The following NTM variants were observed in gnomAD, a reference collection of about 807,000 sequenced individuals.
NTM encodes neurotrimin, also known as IgLON family member 2.
In NTM, 13 loss-of-function variants were observed where a neutral mutation model predicts 42.1. The ratio of observed to expected loss-of-function variants is 0.31; its 90% CI spans 0.20 to 0.49. NTM has a LOEUF of 0.49. Ranked by LOEUF, NTM falls within the 20% of genes least tolerant of loss-of-function variation. The pLI is 0.99. For synonymous variants in NTM, 187 were observed against 179.2 expected, an observed-to-expected ratio of 1.04 and a Z score of -0.35; for missense variants, 373 against 452.8, an observed-to-expected ratio of 0.82 and a Z score of 1.60.
chr11:131,963,412 A>C (rs571237931), intron 2 of NTM, among the ~76,000 whole-genome samples: 17 of 152,340 alleles, frequency 1.1e-4, no homozygotes, highest in African/African-American at 4.1e-4. Context: ...CTGGGTGTTA[A>C]AGAAAACATG....
intron 2 of NTM, among the ~76,000 whole-genome samples, chr11:132,065,463 CTCTCT>C (rs2081299418): frequency 6.6e-6 from 1 of 152,146 alleles, no homozygotes; most frequent in Non-Finnish European, 1.5e-5. Flanking sequence ...TCCACACTGT[CTCTCT>C]TCTCACTTCA....
At chr11:132,320,801 G>C (rs1319167829) in intron 7 of NTM, among the ~76,000 whole-genome samples, 1 of 151,532 alleles carries the variant, frequency 6.6e-6, no homozygotes, top group Non-Finnish European at 1.5e-5. Flanking sequence ...AGAGAGCAGT[G>C]GTTCTCCCAG....
intron 1 of NTM, among the ~76,000 whole-genome samples, chr11:131,724,007 T>C (rs905478661): frequency 1.3e-5 from 2 of 152,238 alleles, no homozygotes; most frequent in African/African-American, 4.8e-5. Flanking sequence ...TTTCCCAGTT[T>C]ACCGTTCCTT....
chr11:131,590,717 G>A lies in NTM; in HGVS notation c.82+219829G>A, dbSNP rs563905105. Among the ~76,000 whole-genome samples, 3 of 152,368 alleles carry A rather than the reference G, an allele frequency of 2.0e-5. No homozygotes were observed. The South Asian group carries it at 6.2e-4, about 32-fold the overall frequency. On this transcript the variant is annotated intron_variant, in intron 1 of 8. Transcript: ENST00000683400. ...AAAACTCATCTGCATGGCAATTGAT[G>A]TGAAGGCTCTTTTCTCCATCTTGTA...
chr11:131,864,060 A>C (rs2046899673), intron 1 of NTM, among the ~76,000 whole-genome samples: 1 of 152,054 alleles, frequency 6.6e-6, no homozygotes, highest in African/African-American at 2.4e-5. Flanking sequence ...GTCAGGGAGG[A>C]AAGGAGGGAA....
At chr11:131,575,234 T>A (rs919453600) in intron 1 of NTM, among the ~76,000 whole-genome samples, 1 of 152,270 alleles carries the variant, frequency 6.6e-6, no homozygotes, top group South Asian at 2.1e-4. Context: ...AGTTTAACAT[T>A]GTTAAATTAT....
At chr11:131,841,229 G>A (rs777633585) in intron 1 of NTM, among the ~76,000 whole-genome samples, 1 of 152,168 alleles carries the variant, frequency 6.6e-6, no homozygotes, top group African/African-American at 2.4e-5. Flanking sequence ...CTATAATTGA[G>A]TTATACTTAT....
intron 3 of NTM, among the ~76,000 whole-genome samples, chr11:132,175,370 A>G (rs7950481): frequency 0.57 from 86,411 of 151,754 alleles, 25,465 homozygotes; most frequent in Non-Finnish European, 0.64. Flanking sequence ...ACGCTGCACC[A>G]GCTCCATAAG....
At chr11:131,481,385 T>G (rs990291086) in intron 1 of NTM, among the ~76,000 whole-genome samples, 6 of 152,310 alleles carry the variant, frequency 3.9e-5, no homozygotes, top group Non-Finnish European at 7.4e-5. Flanking sequence ...GGGCAAAGGC[T>G]TGGAGAAGGT....
At chr11:131,655,420 C>T (rs978634662) in intron 1 of NTM, among the ~76,000 whole-genome samples, 1 of 152,224 alleles carries the variant, frequency 6.6e-6, no homozygotes, top group Admixed American at 6.5e-5. Flanking sequence ...CTTCCTCCTT[C>T]CTTTTTGGCA....
At chr11:131,896,103 C>T (rs1764373363) in intron 1 of NTM, among the ~76,000 whole-genome samples, 1 of 152,204 alleles carries the variant, frequency 6.6e-6, no homozygotes, top group Admixed American at 6.5e-5. Flanking sequence ...AAGTAAAGGA[C>T]ATCATCTGAT....
chr11:132,295,675 A>T (rs2094584846), intron 4 of NTM, among the ~76,000 whole-genome samples: 1 of 152,110 alleles, frequency 6.6e-6, no homozygotes, highest in African/African-American at 2.4e-5. Context: ...TGTTTTAGGA[A>T]CTTCACTGGT....
chr11:132,016,308 C>A (rs2073397272), intron 2 of NTM, among the ~76,000 whole-genome samples: 1 of 151,928 alleles, frequency 6.6e-6, no homozygotes, highest in Middle Eastern at 3.4e-3. Context: ...ATTTCCATCA[C>A]CCCAGAAAGT....
At chr11:131,558,247 G>A (rs1043806077) in intron 1 of NTM, among the ~76,000 whole-genome samples, 1 of 152,030 alleles carries the variant, frequency 6.6e-6, no homozygotes, top group Non-Finnish European at 1.5e-5. Flanking sequence ...GCCCTCCCTA[G>A]TGCTAACCCC....
rs113684477 is a variant in NTM at position 131,659,977 on chromosome 11, T to C, written c.83-251587T>C. On this transcript the variant is annotated intron_variant, in intron 1 of 8. Transcript: ENST00000683400. ...ACCCTGAAGCCAATTTTCCAATATG[T>C]GAGCACGTGAAGGATCCGCTACATA... Among the ~76,000 whole-genome samples the C allele has an allele frequency of 2.5e-3, 379 of 152,310 alleles. 3 individuals are homozygous for C. The highest frequency in any genetic ancestry group is 8.7e-3 in the African/African-American group (363 of 41,556).
chr11:131,454,129 T>C (rs374322245), intron 1 of NTM, among the ~76,000 whole-genome samples: 3 of 152,212 alleles, frequency 2.0e-5, no homozygotes, highest in African/African-American at 7.2e-5. Flanking sequence ...TTACCTGCAG[T>C]ACAGTATAAT....
chr11:131,632,782 C>T (rs1184595002), intron 1 of NTM, among the ~76,000 whole-genome samples: 2 of 147,010 alleles, frequency 1.4e-5, no homozygotes, highest in African/African-American at 5.3e-5. Flanking sequence ...TCACGCCATT[C>T]TCCTGCCTCA....
chr11:132,026,765 A>G (rs2075240351), intron 2 of NTM, among the ~76,000 whole-genome samples: 1 of 152,136 alleles, frequency 6.6e-6, no homozygotes, highest in South Asian at 2.1e-4. Flanking sequence ...GGGAAAGGCA[A>G]TTGTTTCTCT....
rs562483053 is a variant in NTM, at chr11:131,520,864, A to G, written c.82+149976A>G. On this transcript the variant is annotated intron_variant, in intron 1 of 8. Transcript: ENST00000683400. ...AGGAATAACTGAGGTTGAGTAATTT[A>G]TAAATAGAAGAGGTTTATTTGGCTC... is the stretch of plus-strand genomic sequence containing the variant. 6.4e-4 allele frequency among the ~76,000 whole-genome samples: 97 copies of G among 152,266 alleles called. 1 individual carries two copies. The highest frequency in any genetic ancestry group is 9.8e-4 in the Non-Finnish European group (67 of 68,028).
Sources: allele counts gnomAD v4.1 joint callset (sites outside exome capture counted in the v4.1 genomes callset), GRCh38; gene constraint gnomAD v4.1.1; transcripts MANE v1.5; gene names NCBI Gene and HGNC (gene_info 2026-07-23, HGNC 2026-07-21).